SMARCA2: variants seen among roughly 807,000 people sequenced by gnomAD.
The protein encoded by SMARCA2 is SWI/SNF-related matrix-associated actin-dependent regulator of chromatin subfamily A member 2.
SMARCA2 carries 61 observed loss-of-function variants against 199.8 expected under a neutral mutation model. That is an observed-to-expected ratio of 0.31 (90% CI 0.25 to 0.38). The LOEUF is 0.38. SMARCA2 is among the 10% of genes least tolerant of loss of function. The pLI is 1.00. For synonymous variants in SMARCA2, 935 were observed against 732.0 expected (o/e 1.28, Z -4.48); for missense variants, 1,344 against 2,012.2 (o/e 0.67, Z 6.35).
At chr9:2,112,475 T>C (rs2130587699) in intron 24 of SMARCA2, among the ~76,000 whole-genome samples, 1 of 151,936 alleles carries the variant, frequency 6.6e-6, no homozygotes, top group African/African-American at 2.4e-5. Flanking sequence ...CCACCCCGCC[T>C]CTCATTTTTT....
chr9:2,046,107 TAGAA>T (rs777313771), intron 4 of SMARCA2: 13 of 152,174 alleles, frequency 8.5e-5, no homozygotes, highest in Non-Finnish European at 1.6e-4. Context: ...TATTTTTTCT[TAGAA>T]AGGATTTAGA....
chr9:2,063,442 A>G (rs2130375397), intron 9 of SMARCA2, among the ~76,000 whole-genome samples: 1 of 152,292 alleles, frequency 6.6e-6, no homozygotes, highest in African/African-American at 2.4e-5. Context: ...TTCTGTGTCT[A>G]TGAGCATAAA....
chr9:2,047,595 C>T (rs565721269), intron 5 of SMARCA2, 111 bp downstream of exon 5: 7 of 1,166,040 alleles, frequency 6.0e-6, no homozygotes, highest in African/African-American at 1.6e-5. Context: ...GATTTTCACC[C>T]GTGCGGTCGG....
intron 10 of SMARCA2, among the ~76,000 whole-genome samples, chr9:2,071,152 C>A (rs1047499072): frequency 3.3e-5 from 5 of 152,268 alleles, no homozygotes; most frequent in South Asian, 4.1e-4. Flanking sequence ...TTCTGATAAA[C>A]CTACTTGGAG....
chr9:2,181,418 A>G (rs1221703283), intron 29 of SMARCA2, 153 bp from the exon 30 acceptor site: 4 of 593,566 alleles, frequency 6.7e-6, no homozygotes, highest in East Asian at 6.2e-5. Flanking sequence ...TCAATCTCCA[A>G]TAGAGTTGTG....
In SMARCA2 at chr9:2,033,056, G is replaced by A; in HGVS notation, c.330G>A (p.Gln110=). The change falls in exon 3 of 34, where the codon CAG becomes CAA. Residue 110 remains glutamine, a synonymous_variant. Coordinates refer to ENST00000349721, the MANE Select transcript of SMARCA2 (RefSeq NM_003070.5). ...CTCACCCAGGCATGGGCCCTCCCCA[G>A]AGTCCAATGGATCAACACAGCCAAG... ...RPPHPGMGPP[Q]SPMDQHSQGY... 5 of 1,614,134 alleles carry A rather than the reference G, an allele frequency of 3.1e-6. No individual in the cohort carries two copies. Among genetic ancestry groups the A allele is most frequent in the Non-Finnish European group, 4.2e-6 (5 of 1,179,996 alleles).
chr9:2,040,070 C>T, intron 4 of SMARCA2, 170 bp downstream of exon 4: 3 of 1,303,810 alleles, frequency 2.3e-6, no homozygotes, highest in Non-Finnish European at 3.1e-6. Flanking sequence ...TTGGTCTTCC[C>T]CTGCTGTTGA....
chr9:2,097,560 C>T, intron 21 of SMARCA2, 89 bp downstream of exon 21: 4 of 738,460 alleles, frequency 5.4e-6, no homozygotes, highest in Non-Finnish European at 9.0e-6. Flanking sequence ...AAAAAAAAAA[C>T]CAAAATAGAT....
At chr9:2,034,587 C>G (rs1259316111) in intron 3 of SMARCA2, among the ~76,000 whole-genome samples, 1 of 152,182 alleles carries the variant, frequency 6.6e-6, no homozygotes, top group African/African-American at 2.4e-5. Context: ...TTATGCGTTG[C>G]TATATATAAT....
chr9:2,152,437 G>C (rs7862097), intron 27 of SMARCA2, among the ~76,000 whole-genome samples: 172 of 152,098 alleles, frequency 1.1e-3, no homozygotes, highest in African/African-American at 4.0e-3. Context: ...GCTCATGCCT[G>C]TAATCCCAGC....
At chr9:2,190,084 A>G (rs900989798) in intron 32 of SMARCA2, among the ~76,000 whole-genome samples, 4 of 152,214 alleles carry the variant, frequency 2.6e-5, no homozygotes, top group Admixed American at 6.5e-5. Context: ...CCTATCCCAA[A>G]TAGCTACCAT....
chr9:2,054,478 C>T (rs1437589853), intron 5 of SMARCA2, 119 bp from the exon 6 acceptor site: 4 of 1,185,508 alleles, frequency 3.4e-6, no homozygotes, highest in Non-Finnish European at 4.8e-6. Flanking sequence ...GATCAACTAT[C>T]AGTATCTGGA....
At chr9:2,166,608 A>G (rs557725455) in intron 28 of SMARCA2, among the ~76,000 whole-genome samples, 3 of 152,130 alleles carry the variant, frequency 2.0e-5, no homozygotes, top group African/African-American at 4.8e-5. Context: ...ATTTTTATCT[A>G]TGCAAAAATT....
chr9:2,148,120 T>C (rs1181857845), intron 27 of SMARCA2, among the ~76,000 whole-genome samples: 1 of 151,784 alleles, frequency 6.6e-6, no homozygotes, highest in Non-Finnish European at 1.5e-5. Flanking sequence ...TTAAAGAAAC[T>C]CACCTTTTTG....
chr9:2,031,585 C>T (rs1819073833), intron 2 of SMARCA2, among the ~76,000 whole-genome samples: 2 of 152,092 alleles, frequency 1.3e-5, no homozygotes, highest in Non-Finnish European at 1.5e-5. Flanking sequence ...TAATTGTTAT[C>T]TCTTCTGATC....
chr9:2,082,977 A>C (rs1821633427), intron 15 of SMARCA2, among the ~76,000 whole-genome samples: 1 of 152,072 alleles, frequency 6.6e-6, no homozygotes, highest in Admixed American at 6.5e-5. Flanking sequence ...GTGGTTTTAT[A>C]ATTTCTTTTT....
chr9:2,047,355 C>A lies in SMARCA2; in HGVS notation c.917C>A (p.Ser306Ter). Residue 306 changes from serine to a stop codon, truncating the protein, a stop_gained, in exon 5 of 34, where the codon TCA (serine) becomes TAA (stop). Coordinates refer to ENST00000349721, the MANE Select transcript of SMARCA2 (RefSeq NM_003070.5). LOFTEE classifies it high-confidence loss of function. ...CCCGCGGCCGCAGTGCCCGGGCCCT[C>A]AGTGCCGCAGCCGGCCCCGGGGCAG... ...QPPAAAVPGPSVPQPAPGQPS... is the reference protein window; with the variant it reads ...QPPAAAVPGP 6.8e-7 allele frequency: 1 copy of A among 1,475,010 alleles called. No homozygotes were observed. Among genetic ancestry groups the A allele is most frequent in the South Asian group, 1.3e-5 (1 of 79,168 alleles). 91.4% of individuals were successfully genotyped at this position (1,475,010 alleles called of 1,614,324 possible).
chr9:2,054,514 T>C, intron 5 of SMARCA2, 83 bp from the exon 6 acceptor site: 2 of 1,521,912 alleles, frequency 1.3e-6, no homozygotes, highest in Non-Finnish European at 9.0e-7. Flanking sequence ...GACTTAAACC[T>C]AATGTCATTG....
At chr9:2,089,485 G>T (rs1206849841) in intron 19 of SMARCA2, among the ~76,000 whole-genome samples, 1 of 152,076 alleles carries the variant, frequency 6.6e-6, no homozygotes, top group African/African-American at 2.4e-5. Flanking sequence ...TGGACAGATT[G>T]GTTCATCCTG....
Sources: allele counts gnomAD v4.1 joint callset (sites outside exome capture counted in the v4.1 genomes callset), GRCh38; gene constraint gnomAD v4.1.1; transcripts MANE v1.5; gene names NCBI Gene and HGNC (gene_info 2026-07-23, HGNC 2026-07-21).